PAIP2B: variants seen among roughly 807,000 people sequenced by gnomAD.
The protein encoded by PAIP2B is poly(A) binding protein interacting protein 2B.
Under a neutral mutation model 17.0 loss-of-function variants are expected in PAIP2B, and 13 were observed. That is an observed-to-expected ratio of 0.76 (90% CI 0.50 to 1.22). The LOEUF (loss-of-function observed/expected upper bound fraction) is 1.22, where lower values mean the gene tolerates loss of function less well. Ranked by LOEUF, PAIP2B falls within the 50% of genes most tolerant of loss-of-function variation. PAIP2B has a pLI of 0.00. For synonymous variants in PAIP2B, 43 were observed against 48.7 expected (o/e 0.88, Z 0.48); for missense variants, 117 against 144.5 (o/e 0.81, Z 0.98).
chr2:71,199,152 T>G (rs2103775643), intron 2 of PAIP2B, among the ~76,000 whole-genome samples: 1 of 152,318 alleles, frequency 6.6e-6, no homozygotes. Context: ...TTTGTTTTCC[T>G]TTTCTGAAGC....
Position 71,221,822 on chromosome 2 carries a change from A to T in PAIP2B, c.-12+5106T>A, listed in dbSNP as rs551207618. Among the ~76,000 whole-genome samples, 7 of 152,280 alleles carry T rather than the reference A, an allele frequency of 4.6e-5. No individual in the cohort carries two copies. The East Asian group carries it at 1.4e-3, about 29-fold the overall frequency. ...TGGGGAACTTTCCTCTTACAAGAGG[A>T]TTGTAAAATGCACCAGTCAGCGCTC... On this transcript the variant is annotated intron_variant, in intron 1 of 3. Coordinates refer to ENST00000244221, the MANE Select transcript of PAIP2B (RefSeq NM_020459.1).
intron 1 of PAIP2B, among the ~76,000 whole-genome samples, chr2:71,215,665 C>A (rs1006640960): frequency 6.6e-6 from 1 of 152,186 alleles, no homozygotes; most frequent in Non-Finnish European, 1.5e-5. Context: ...AGTTGACAAG[C>A]AAGAAAAACT....
chr2:71,189,212 C>T (rs895251994), intron 3 of PAIP2B, among the ~76,000 whole-genome samples: 2 of 152,112 alleles, frequency 1.3e-5, no homozygotes, highest in Admixed American at 6.5e-5. Flanking sequence ...ATGGGGTTTC[C>T]ATGTTGGCCA....
chr2:71,217,385 C>T (rs1030959984), intron 1 of PAIP2B, among the ~76,000 whole-genome samples: 5 of 152,178 alleles, frequency 3.3e-5, no homozygotes, highest in African/African-American at 7.2e-5. Flanking sequence ...TCAGGTGATC[C>T]ACCCACCTGG....
At chr2:71,223,728 C>T (rs558844478) in intron 1 of PAIP2B, among the ~76,000 whole-genome samples, 4 of 152,252 alleles carry the variant, frequency 2.6e-5, no homozygotes, top group Admixed American at 6.5e-5. Context: ...TGAACCACCA[C>T]GCTCAGCCGA....
intron 2 of PAIP2B, among the ~76,000 whole-genome samples, chr2:71,191,316 T>C (rs1381709037): frequency 6.6e-6 from 1 of 152,216 alleles, no homozygotes; most frequent in Admixed American, 6.5e-5. Flanking sequence ...TAGACAGTTA[T>C]GAAGTGCTTA....
intron 2 of PAIP2B, among the ~76,000 whole-genome samples, chr2:71,196,934 G>C (rs2103769684): frequency 6.6e-6 from 1 of 152,256 alleles, no homozygotes; most frequent in African/African-American, 2.4e-5. Flanking sequence ...GTTTCTTGAA[G>C]ACAGCATGCT....
At chr2:71,213,071 C>T (rs1333470064) in intron 1 of PAIP2B, among the ~76,000 whole-genome samples, 1 of 152,090 alleles carries the variant, frequency 6.6e-6, no homozygotes. Context: ...TGGGGAAAAA[C>T]ACTTCTAATC....
chr2:71,195,976 C>T (rs575390729), intron 2 of PAIP2B, among the ~76,000 whole-genome samples: 19 of 152,264 alleles, frequency 1.2e-4, no homozygotes, highest in Admixed American at 6.5e-4. Flanking sequence ...CTCCTGGATT[C>T]GCTGATCTCT....
intron 1 of PAIP2B, among the ~76,000 whole-genome samples, chr2:71,220,008 C>G (rs1158279642): frequency 6.6e-6 from 1 of 152,194 alleles, no homozygotes; most frequent in Non-Finnish European, 1.5e-5. Context: ...AGGTCTTTCT[C>G]ATTCTTCTTT....
Position 71,183,976 on chromosome 2 carries a change from T to G in PAIP2B, c.*4503A>C, listed in dbSNP as rs952409368. 6.6e-6 allele frequency: 1 copy of G among 152,204 alleles called. No individual in the cohort carries two copies. The allele number at this position is 152,204 out of a possible 1,614,324, so 9.4% of individuals were successfully genotyped here. On this transcript the variant is annotated 3_prime_UTR_variant, in exon 4 of 4. Coordinates refer to ENST00000244221, the MANE Select transcript of PAIP2B (RefSeq NM_020459.1). The stretch of plus-strand genomic sequence containing the variant: ...GATTCCCTGCCTCCCAAACCATCCT[T>G]CAAGCATTAAACATTTTTGGAGGCT...
At chr2:71,196,602 A>G (rs1344974624) in intron 2 of PAIP2B, among the ~76,000 whole-genome samples, 2 of 152,120 alleles carry the variant, frequency 1.3e-5, no homozygotes, top group African/African-American at 4.8e-5. Context: ...TTGTCAGTGG[A>G]GTATAGAAGT....
chr2:71,223,987 C>T (rs952322237), intron 1 of PAIP2B, among the ~76,000 whole-genome samples: 3 of 152,054 alleles, frequency 2.0e-5, no homozygotes, highest in Non-Finnish European at 2.9e-5. Flanking sequence ...CTTTGTAATC[C>T]CCAAATACTT....
intron 1 of PAIP2B, among the ~76,000 whole-genome samples, chr2:71,214,851 T>C (rs11693867): frequency 6.6e-6 from 1 of 152,044 alleles, no homozygotes; most frequent in Non-Finnish European, 1.5e-5. Context: ...GTATTCCAAA[T>C]AATTTAAAAA....
chr2:71,199,377 C>T (rs1418955408), intron 2 of PAIP2B, among the ~76,000 whole-genome samples: 1 of 149,458 alleles, frequency 6.7e-6, no homozygotes, highest in African/African-American at 2.5e-5. Flanking sequence ...ACTTAATAGA[C>T]ACCCAACGGG....
At chr2:71,219,906 T>C (rs1675534047) in intron 1 of PAIP2B, among the ~76,000 whole-genome samples, 1 of 152,248 alleles carries the variant, frequency 6.6e-6, no homozygotes, top group Admixed American at 6.5e-5. Context: ...ACACAAAAAG[T>C]AGCATACCAT....
intron 2 of PAIP2B, among the ~76,000 whole-genome samples, chr2:71,196,311 A>C (rs563388837): frequency 6.6e-6 from 1 of 152,218 alleles, no homozygotes; most frequent in East Asian, 1.9e-4. Context: ...ATTTCCATGT[A>C]ATTGTATGGT....
chr2:71,189,917 C>T lies in PAIP2B; in HGVS notation c.243G>A (p.Gln81=), dbSNP rs370570730. Residue 81 remains glutamine (Q), a synonymous_variant, in exon 3 of 4, where the codon CAG becomes CAA. Coordinates refer to ENST00000244221, the MANE Select transcript of PAIP2B (RefSeq NM_020459.1). Reference sequence around the variant, plus strand: ...ACTGCTGTTGCAACTGTCCCATGGCCTGAGGCAGGTCTCGTGAGGGAATAA... The same window carrying T: ...ACTGCTGTTGCAACTGTCCCATGGCTTGAGGCAGGTCTCGTGAGGGAATAA... ...DWFIPSRDLP[Q]AMGQLQQQLN... The T allele has an allele frequency of 1.3e-6, 2 of 1,594,918 alleles. No homozygotes were observed. Among genetic ancestry groups the T allele is most frequent in the African/African-American group, 2.7e-5 (2 of 74,624 alleles).
chr2:71,210,103 G>T (rs1675257158), intron 1 of PAIP2B, among the ~76,000 whole-genome samples: 1 of 152,122 alleles, frequency 6.6e-6, no homozygotes, highest in Non-Finnish European at 1.5e-5. Context: ...GGAATTACAG[G>T]CATGAGCCAC....
Sources: gnomAD v4.1 joint callset for allele counts (sites outside exome capture counted in the v4.1 genomes callset) on GRCh38, gnomAD v4.1.1 for gene constraint, MANE v1.5 for transcripts, NCBI Gene and HGNC (gene_info 2026-07-23, HGNC 2026-07-21) for gene names.